Variants in MYMK observed in about 807,000 individuals in gnomAD.
The protein encoded by MYMK is myomaker, myoblast fusion factor.
Under a neutral mutation model 22.4 loss-of-function variants are expected in MYMK, and 16 were observed. That is an observed-to-expected ratio of 0.72 (90% CI 0.48 to 1.09). The LOEUF is 1.09. Among genes scored for constraint, MYMK ranks in the 50% least tolerant of loss-of-function variants. The pLI is 0.00. For synonymous variants in MYMK, 125 were observed against 127.0 expected, an observed-to-expected ratio of 0.98 and a Z score of 0.11; for missense variants, 250 against 295.6, an observed-to-expected ratio of 0.85 and a Z score of 1.13.
rs1844664794 is a variant in MYMK at position 133,518,929 on chromosome 9, T to A, written c.344A>T (p.Tyr115Phe). 6.2e-7 allele frequency: 1 copy of A among 1,613,680 alleles called. No homozygotes were observed. Among genetic ancestry groups the A allele is most frequent in the Admixed American group, 1.7e-5 (1 of 60,004 alleles). ...AVRIYHDRWG[Y>F]GVYSGPIGTA... ...GCCGATGGGGCCCGAGTACACCCCG[T>A]AGCCCCATCGGTCATGGTAGATCCG... The change falls in exon 3 of 5, where the codon TAC becomes TTC. Residue 115 changes from tyrosine (Y) to phenylalanine (F), a missense_variant. Physicochemically the swap from Tyr to Phe is conservative, Grantham distance 22 (BLOSUM62 3). Transcript: ENST00000339996.
At chr9:133,517,426 G>A (rs1298805488) in intron 3 of MYMK, among the ~76,000 whole-genome samples, 1 of 152,190 alleles carries the variant, frequency 6.6e-6, no homozygotes, top group Non-Finnish European at 1.5e-5. Flanking sequence ...AGCACTTTGG[G>A]AGACTGAGGC....
chr9:133,514,857 A>C, intron 4 of MYMK, 72 bp from the exon 5 acceptor site: 2 of 1,517,772 alleles, frequency 1.3e-6, no homozygotes, highest in Non-Finnish European at 1.8e-6. Context: ...AAGACCCAGC[A>C]GAGCCCCTTC....
chr9:133,523,178 A>G (rs2131072385), intron 1 of MYMK, among the ~76,000 whole-genome samples: 1 of 152,352 alleles, frequency 6.6e-6, no homozygotes, highest in Middle Eastern at 3.4e-3. Context: ...ATTGCGGGCA[A>G]AATTGGACTT....
At chr9:133,517,666 CAAAAA>C (rs140245731) in intron 3 of MYMK, among the ~76,000 whole-genome samples, 3 of 120,628 alleles carry the variant, frequency 2.5e-5, no homozygotes, top group Non-Finnish European at 1.7e-5. Context: ...AACTCCGTCT[CAAAAA>C]AAAAAAAAAA....
At chr9:133,519,387 C>T (rs1387314662) in intron 2 of MYMK, among the ~76,000 whole-genome samples, 3 of 152,016 alleles carry the variant, frequency 2.0e-5, no homozygotes, top group Non-Finnish European at 2.9e-5. Context: ...GGCAACATAG[C>T]GGGACCCCCA....
intron 1 of MYMK, among the ~76,000 whole-genome samples, chr9:133,522,361 G>T (rs918530439): frequency 6.6e-6 from 1 of 151,596 alleles, no homozygotes; most frequent in African/African-American, 2.4e-5. Context: ...GGCCTCCTCT[G>T]TTGTGTGGGG....
intron 3 of MYMK, among the ~76,000 whole-genome samples, chr9:133,517,038 A>G (rs1164983181): frequency 1.3e-5 from 2 of 152,100 alleles, no homozygotes; most frequent in Non-Finnish European, 2.9e-5. Context: ...CTGTGGCTGG[A>G]TCTGCAGCCT....
intron 1 of MYMK, 62 bp from the exon 2 acceptor site, chr9:133,520,350 G>T: frequency 7.3e-7 from 1 of 1,367,762 alleles, no homozygotes. Context: ...CCGAGCCACG[G>T]CCCCCAGAGT....
At position 133,518,986 on chromosome 9, in the gene MYMK, A is replaced by G. The variant is rs950472881; in HGVS notation, c.287T>C (p.Phe96Ser). Residue 96 changes from phenylalanine to serine, a missense_variant, in exon 3 of 5, where the codon TTT becomes TCT. Coordinates refer to ENST00000339996, the MANE Select transcript of MYMK (RefSeq NM_001080483.3). Reference protein sequence around the residue: ...ADFDEPKRSTFVMFGVLTIAV... With the variant: ...ADFDEPKRSTSVMFGVLTIAV... ...AATGGTCAGGACGCCGAACATCACA[A>G]ATGTTGACCTCTTGGGTTCGTCGAA... The G allele has an allele frequency of 1.2e-6, 2 of 1,613,830 alleles. No homozygotes were observed. The highest frequency in any genetic ancestry group is 1.7e-5 in the Admixed American group (1 of 60,000).
At chr9:133,519,154 C>T in intron 2 of MYMK, 132 bp from the exon 3 acceptor site, 1 of 1,139,848 alleles carries the variant, frequency 8.8e-7, no homozygotes, top group Non-Finnish European at 1.2e-6. Context: ...CCAGCGAGAC[C>T]CTGAGGCCCA....
intron 3 of MYMK, among the ~76,000 whole-genome samples, chr9:133,518,163 G>T (rs1045595151): frequency 6.6e-6 from 1 of 152,210 alleles, no homozygotes; most frequent in Non-Finnish European, 1.5e-5. Flanking sequence ...GATGCCCCGG[G>T]TCTATTTTTC....
Position 133,515,458 on chromosome 9 carries a change from G to A in MYMK, c.516+33C>T, listed in dbSNP as rs1844619969. On this transcript the variant is annotated intron_variant, in intron 4 of 4. Transcript: ENST00000339996. This position sits in a 1 kb window ranked among gnomAD's most constrained non-coding sequence, Gnocchi z 5.8. The stretch of plus-strand genomic sequence containing the variant: ...GCAGAGCCATGCCGAGTGGGCTCTG[G>A]GGCACAGGACACCTCCCCGCTGGGC... 6.9e-7 allele frequency: 1 copy of A among 1,441,558 alleles called. No individual in the cohort carries two copies. Among genetic ancestry groups the A allele is most frequent in the Non-Finnish European group, 9.8e-7 (1 of 1,024,938 alleles). The allele number at this position is 1,441,558 out of a possible 1,614,324, so 89.3% of individuals were successfully genotyped here. A position where few individuals can be genotyped will look rare whatever the true frequency, so the allele number is the denominator to read the frequency against.
chr9:133,517,391 C>T (rs114974614), intron 3 of MYMK, among the ~76,000 whole-genome samples: 2,197 of 152,258 alleles, frequency 0.014, 52 homozygotes, highest in African/African-American at 0.05. Context: ...TCCAGCCAGG[C>T]GTGGTGGCTC....
At chr9:133,524,322 C>T (rs1448037369) in intron 1 of MYMK, among the ~76,000 whole-genome samples, 1 of 152,126 alleles carries the variant, frequency 6.6e-6, no homozygotes, top group Non-Finnish European at 1.5e-5. Flanking sequence ...TCTGCTCCAT[C>T]GTGGCCTATG....
rs187288258 is a variant in MYMK at position 133,524,742 on chromosome 9, T to C, written c.103A>G (p.Met35Val). 8 of 1,614,032 alleles carry C rather than the reference T, an allele frequency of 5.0e-6. No homozygotes were observed. Among genetic ancestry groups the C allele is most frequent in the South Asian group, 4.4e-5 (4 of 91,078 alleles). ...AAKRRFHMEA[M>V]VYLFTLFFVA... ...AAGAACAGGGTGAAGAGGTAGACCATGGCCTCCATGTGGAACCGCCTCTTG... is the reference window on the plus strand; with the variant it reads ...AAGAACAGGGTGAAGAGGTAGACCACGGCCTCCATGTGGAACCGCCTCTTG... The change falls in exon 1 of 5, where the codon ATG (methionine) becomes GTG (valine). Residue 35 changes from methionine (M) to valine (V), a missense_variant. Met to Val is a conservative substitution (Grantham distance 21). Transcript: ENST00000339996.
rs748879981 is a variant in MYMK, at chr9:133,515,576, T to G, written c.431A>C (p.Tyr144Ser). ...LQKMKEKKGLYPDKSVYTQQI... is the reference protein window; with the variant it reads ...LQKMKEKKGLSPDKSVYTQQI... Reference sequence around the variant, plus strand: ...CTGGGTGTAGACGCTCTTGTCTGGGTACAGGCCCTTCTTCTCCTTCATCTT... The same window carrying G: ...CTGGGTGTAGACGCTCTTGTCTGGGGACAGGCCCTTCTTCTCCTTCATCTT... The change falls in exon 4 of 5, where the codon TAC (tyrosine) becomes TCC (serine). Residue 144 changes from tyrosine (Y) to serine (S), a missense_variant. By Grantham distance (144) the Tyr-to-Ser change is moderately radical (BLOSUM62 -2). Transcript: ENST00000339996. The surrounding 1 kb of genome is among the most constrained non-coding windows in gnomAD (Gnocchi z 5.8). 1 of 1,613,872 alleles carries G rather than the reference T, an allele frequency of 6.2e-7. No individual in the cohort carries two copies. The highest frequency in any genetic ancestry group is 8.5e-7 in the Non-Finnish European group (1 of 1,179,778).
rs751951124 is a variant in MYMK at position 133,518,928 on chromosome 9, G to A, written c.345C>T (p.Tyr115=). ...AVRIYHDRWG[Y]GVYSGPIGTA... is the part of the protein sequence containing the mutation. The stretch of plus-strand genomic sequence containing the variant: ...TGCCGATGGGGCCCGAGTACACCCC[G>A]TAGCCCCATCGGTCATGGTAGATCC... The change falls in exon 3 of 5, where the codon TAC becomes TAT. Residue 115 remains tyrosine, a synonymous_variant. Transcript: ENST00000339996. The A allele has an allele frequency of 6.2e-6, 10 of 1,613,740 alleles. No homozygotes were observed. The highest frequency in any genetic ancestry group is 8.5e-6 in the Non-Finnish European group (10 of 1,179,964).
At chr9:133,517,216 C>T (rs1016791723) in intron 3 of MYMK, among the ~76,000 whole-genome samples, 13 of 152,218 alleles carry the variant, frequency 8.5e-5, no homozygotes, top group African/African-American at 2.2e-4. Context: ...GGCCCCAGCA[C>T]GCTCCTTCCT....
At position 133,515,494 on chromosome 9, in the gene MYMK, AAAG is replaced by A. The variant is rs751378403; in HGVS notation, c.510_512del (p.Phe171del). 1.8e-5 allele frequency: 29 copies of A among 1,608,758 alleles called. No individual in the cohort carries two copies. The highest frequency in any genetic ancestry group is 2.4e-5 in the Non-Finnish European group (28 of 1,175,504). On this transcript the variant is annotated inframe_deletion, in exon 4 of 5. Transcript: ENST00000339996. This position sits in a 1 kb window ranked among gnomAD's most constrained non-coding sequence, Gnocchi z 5.8. ...ACCTCCCCGCTGGGCTTGGTACCTC[AAAG>A]AAGAAGCGTAGCATCAGGGCCAGCG... is the stretch of plus-strand genomic sequence containing the variant.
Sources: allele counts gnomAD v4.1 joint callset (sites outside exome capture counted in the v4.1 genomes callset), GRCh38; gene constraint gnomAD v4.1.1; non-coding constraint Gnocchi (gnomAD v3.1); transcripts MANE v1.5; gene names NCBI Gene and HGNC (gene_info 2026-07-23, HGNC 2026-07-21).